The following MYO9A variants were observed in gnomAD, a reference collection of about 807,000 sequenced individuals.
The protein encoded by MYO9A is myosin IXA, also known as unconventional myosin-IXa.
In MYO9A, 103 loss-of-function variants were observed where a neutral mutation model predicts 293.3. That is an observed-to-expected ratio of 0.35 (90% confidence interval 0.30 to 0.41). The LOEUF (loss-of-function observed/expected upper bound fraction) is 0.41. Ranked by LOEUF, MYO9A falls within the 10% of genes least tolerant of loss-of-function variation. The pLI is 1.00. For synonymous variants in MYO9A, 1,001 were observed against 1,035.7 expected (o/e 0.97, Z 0.64); for missense variants, 2,685 against 3,033.0 (o/e 0.89, Z 2.69).
At chr15:72,032,321 G>C (rs1218156371) in intron 3 of MYO9A, among the ~76,000 whole-genome samples, 173 bp downstream of exon 3, 1 of 152,090 alleles carries the variant, frequency 6.6e-6, no homozygotes, top group African/African-American at 2.4e-5. Flanking sequence ...TGTTACATTG[G>C]TGTTAAAATT....
intron 18 of MYO9A, among the ~76,000 whole-genome samples, chr15:71,925,142 A>G (rs1465731219): frequency 1.8e-5 from 2 of 112,354 alleles, no homozygotes; most frequent in Non-Finnish European, 3.8e-5. Context: ...GGCTAATAAT[A>G]TTTCCTTCAC....
upstream of MYO9A, chr15:72,118,504 G>C (rs879836648): frequency 2.6e-5 from 4 of 152,262 alleles, no homozygotes; most frequent in Non-Finnish European, 5.9e-5. Flanking sequence ...TCTCGGCAGT[G>C]GATCGCTCTC....
intron 1 of MYO9A, among the ~76,000 whole-genome samples, chr15:72,116,259 G>A (rs984605365): frequency 6.6e-6 from 1 of 151,890 alleles, no homozygotes; most frequent in Non-Finnish European, 1.5e-5. Context: ...TAATTTTAAT[G>A]TGATTTTCTC....
At chr15:71,834,102 G>C (rs902268530) in intron 39 of MYO9A, among the ~76,000 whole-genome samples, 47 of 151,972 alleles carry the variant, frequency 3.1e-4, no homozygotes, top group Non-Finnish European at 1.5e-5. Context: ...ACCCTAGCAA[G>C]ACTAAAAGAA....
chr15:72,054,678 C>CAA (rs11284116), intron 1 of MYO9A, among the ~76,000 whole-genome samples: 22 of 63,918 alleles, frequency 3.4e-4, no homozygotes, highest in African/African-American at 1.4e-3. Flanking sequence ...GACTCTGTCT[C>CAA]AAAAAAAAAA....
chr15:72,101,318 G>A (rs1364347937), intron 1 of MYO9A, among the ~76,000 whole-genome samples: 4 of 144,542 alleles, frequency 2.8e-5, no homozygotes, highest in Non-Finnish European at 6.2e-5. Context: ...CAGGCCAGCC[G>A]CCCCGTCCGG....
intron 13 of MYO9A, among the ~76,000 whole-genome samples, chr15:71,966,669 C>G (rs1250268315): frequency 6.6e-6 from 1 of 151,930 alleles, no homozygotes; most frequent in African/African-American, 2.4e-5. Context: ...TCATCTGGAT[C>G]CCCCCCAACC....
chr15:72,000,797 G>A (rs1343629292), intron 8 of MYO9A, among the ~76,000 whole-genome samples: 1 of 152,104 alleles, frequency 6.6e-6, no homozygotes, highest in Non-Finnish European at 1.5e-5. Flanking sequence ...ACACCATGTC[G>A]ATAATTTAAA....
chr15:72,048,117 A>C (rs530901515), intron 1 of MYO9A, among the ~76,000 whole-genome samples: 57 of 152,266 alleles, frequency 3.7e-4, no homozygotes, highest in Non-Finnish European at 7.5e-4. Flanking sequence ...CCAGCCATAT[A>C]GGCCAGGAGT....
chr15:71,899,783 C>T lies in MYO9A; in HGVS notation c.3374G>A (p.Arg1125Lys). 1 of 1,614,178 alleles carries T rather than the reference C, an allele frequency of 6.2e-7. No homozygotes were observed. The highest frequency in any genetic ancestry group is 8.5e-7 in the Non-Finnish European group (1 of 1,180,038). Residue 1125 changes from arginine to lysine, a missense_variant, in exon 24 of 42, where the codon AGA (arginine) becomes AAA (lysine). Arg to Lys is a conservative substitution (Grantham distance 26). Transcript: ENST00000356056. ...TTTACTTTCCCTGTAGGCTTTCCAT[C>T]TTGCTTGTATGCAAATAGCAGCCAT... Reference protein sequence around the residue: ...RHMAAICIQARWKAYRESKRY... With the variant: ...RHMAAICIQAKWKAYRESKRY...
chr15:71,964,357 C>A (rs1273154081), intron 13 of MYO9A, among the ~76,000 whole-genome samples: 1 of 151,940 alleles, frequency 6.6e-6, no homozygotes, highest in Admixed American at 6.6e-5. Context: ...CTTAGAGAAC[C>A]ACTTTTCAAT....
intron 11 of MYO9A, 80 bp from the exon 12 acceptor site, chr15:71,978,372 C>A (rs1038256040): frequency 8.5e-7 from 1 of 1,179,334 alleles, no homozygotes; most frequent in African/African-American, 1.6e-5. Flanking sequence ...AAAGCTTTTA[C>A]CCTGCTTAAA....
chr15:71,934,923 C>A lies in MYO9A; in HGVS notation c.2522+418G>T, dbSNP rs529981084. Among the ~76,000 whole-genome samples, 18 of 148,728 alleles carry A rather than the reference C, an allele frequency of 1.2e-4. No individual in the cohort carries two copies. The South Asian group carries it at 2.8e-3, about 23-fold the overall frequency. On this transcript the variant is annotated intron_variant, in intron 17 of 41. Coordinates refer to ENST00000356056, the MANE Select transcript of MYO9A (RefSeq NM_006901.4). ...GAAAGCTTGGATAAGTGTTATATAT[C>A]ACTCAACCATTCACCATTTATAGAT... is the stretch of plus-strand genomic sequence containing the variant.
At chr15:71,953,381 A>C (rs2059099784) in intron 14 of MYO9A, among the ~76,000 whole-genome samples, 1 of 152,250 alleles carries the variant, frequency 6.6e-6, no homozygotes, top group Admixed American at 6.5e-5. Flanking sequence ...CAAATTGTAA[A>C]TTGAAGAAGT....
chr15:71,834,660 C>T (rs566520161), intron 39 of MYO9A, among the ~76,000 whole-genome samples: 1 of 151,962 alleles, frequency 6.6e-6, no homozygotes, highest in East Asian at 1.9e-4. Context: ...GCCTGTAGTT[C>T]CACCTACATG....
intron 37 of MYO9A, among the ~76,000 whole-genome samples, chr15:71,850,598 C>T (rs1391040747): frequency 1.8e-5 from 2 of 112,450 alleles, no homozygotes; most frequent in African/African-American, 3.5e-5. Flanking sequence ...AACCTTGTCT[C>T]TACTAACAAT....
At chr15:71,860,892 G>A (rs964446024) in intron 33 of MYO9A, among the ~76,000 whole-genome samples, 1 of 146,718 alleles carries the variant, frequency 6.8e-6, no homozygotes, top group Admixed American at 7.0e-5. Flanking sequence ...ACTTAAACCT[G>A]GAAGGCGGAG....
intron 1 of MYO9A, among the ~76,000 whole-genome samples, chr15:72,092,943 A>G (rs1246456895): frequency 6.6e-6 from 1 of 151,682 alleles, no homozygotes; most frequent in Non-Finnish European, 1.5e-5. Flanking sequence ...ACACACACAC[A>G]GAGATTTGAG....
At chr15:72,046,719 T>G in intron 1 of MYO9A, 85 bp from the exon 2 acceptor site, 1 of 863,064 alleles carries the variant, frequency 1.2e-6, no homozygotes, top group Non-Finnish European at 1.7e-6. Context: ...ACAAGCATGT[T>G]GATTACATCT....
Sources: gnomAD v4.1 joint callset for allele counts (sites outside exome capture counted in the v4.1 genomes callset) on GRCh38, gnomAD v4.1.1 for gene constraint, MANE v1.5 for transcripts, NCBI Gene and HGNC (gene_info 2026-07-23, HGNC 2026-07-21) for gene names.